Variants in ADGRL3 observed in about 807,000 individuals in gnomAD.
The protein encoded by ADGRL3 is adhesion G protein-coupled receptor L3.
A neutral mutation model predicts 153.5 loss-of-function variants in ADGRL3; 62 were observed. The observed-to-expected ratio is 0.40, with a 90% CI of 0.33 to 0.50. The LOEUF is 0.50. Ranked by LOEUF, ADGRL3 falls within the 20% of genes least tolerant of loss-of-function variation. ADGRL3 has a pLI of 0.47. For synonymous variants in ADGRL3, 710 were observed against 672.5 expected, an observed-to-expected ratio of 1.06 and a Z score of -0.86; for missense variants, 1,641 against 1,859.4, an observed-to-expected ratio of 0.88 and a Z score of 2.16.
intron 5 of ADGRL3, among the ~76,000 whole-genome samples, chr4:61,592,341 T>C (rs1373787369): frequency 6.6e-6 from 1 of 152,166 alleles, no homozygotes; most frequent in Non-Finnish European, 1.5e-5. Context: ...GTATTCTCCT[T>C]TACTTCTTTG....
At chr4:62,016,767 A>G (rs530910012) in intron 21 of ADGRL3, among the ~76,000 whole-genome samples, 14 of 152,248 alleles carry the variant, frequency 9.2e-5, no homozygotes, top group African/African-American at 3.4e-4. Context: ...AAATATATGG[A>G]TTATGTTGTA....
intron 2 of ADGRL3, among the ~76,000 whole-genome samples, chr4:61,437,481 G>A (rs2097463255): frequency 6.6e-6 from 1 of 152,052 alleles, no homozygotes; most frequent in East Asian, 1.9e-4. Flanking sequence ...CATTCACAGT[G>A]TCTTGTCTAT....
intron 8 of ADGRL3, among the ~76,000 whole-genome samples, chr4:61,782,093 A>G (rs1468081154): frequency 1.3e-5 from 2 of 152,174 alleles, no homozygotes; most frequent in Non-Finnish European, 2.9e-5. Context: ...GTATTACTTG[A>G]AATGGGATGA....
At chr4:61,212,844 T>C (rs1225506194) in intron 1 of ADGRL3, among the ~76,000 whole-genome samples, 1 of 151,270 alleles carries the variant, frequency 6.6e-6, no homozygotes, top group Non-Finnish European at 1.5e-5. Flanking sequence ...GCTGTCAACA[T>C]TTTTTTTTAT....
intron 13 of ADGRL3, among the ~76,000 whole-genome samples, chr4:61,931,347 C>T (rs2150103781): frequency 1.3e-5 from 2 of 152,238 alleles, no homozygotes; most frequent in Middle Eastern, 3.4e-3. Context: ...AATGTGCTTT[C>T]TAAGTGAAGA....
At chr4:61,635,615 C>T (rs1025529889) in intron 5 of ADGRL3, among the ~76,000 whole-genome samples, 3 of 152,068 alleles carry the variant, frequency 2.0e-5, no homozygotes, top group African/African-American at 7.2e-5. Context: ...AATTTAAGCC[C>T]ATGGTGAACT....
At chr4:61,450,653 G>T (rs920017095) in intron 2 of ADGRL3, among the ~76,000 whole-genome samples, 1 of 152,030 alleles carries the variant, frequency 6.6e-6, no homozygotes, top group Non-Finnish European at 1.5e-5. Context: ...AAATATATGT[G>T]TAATAACATG....
At chr4:61,884,315 T>C (rs1276600171) in intron 9 of ADGRL3, among the ~76,000 whole-genome samples, 1 of 152,182 alleles carries the variant, frequency 6.6e-6, no homozygotes. Flanking sequence ...TGCTATGAGA[T>C]TGGGAAATTT....
chr4:61,448,609 C>G (rs1400726935), intron 2 of ADGRL3, among the ~76,000 whole-genome samples: 1 of 152,046 alleles, frequency 6.6e-6, no homozygotes, highest in African/African-American at 2.4e-5. Context: ...TCCTTACATT[C>G]TGTCGGCTTC....
At chr4:61,665,649 G>A (rs1465573817) in intron 5 of ADGRL3, among the ~76,000 whole-genome samples, 5 of 152,092 alleles carry the variant, frequency 3.3e-5, no homozygotes, top group Admixed American at 6.5e-5. Context: ...TACGCAAAAT[G>A]ATATTATTCT....
chr4:61,644,365 CT>C (rs1275707187), intron 5 of ADGRL3, among the ~76,000 whole-genome samples: 5 of 151,362 alleles, frequency 3.3e-5, no homozygotes, highest in African/African-American at 4.9e-5. Context: ...TTTTCTAGTT[CT>C]TTTAATTGTG....
intron 9 of ADGRL3, among the ~76,000 whole-genome samples, chr4:61,854,065 G>A (rs190040180): frequency 6.6e-6 from 1 of 152,158 alleles, no homozygotes; most frequent in East Asian, 1.9e-4. Context: ...ATGTTTATAA[G>A]CCAGAGCATC....
chr4:61,863,284 C>T (rs1267011334), intron 9 of ADGRL3, among the ~76,000 whole-genome samples: 2 of 121,066 alleles, frequency 1.7e-5, no homozygotes, highest in African/African-American at 6.5e-5. Context: ...GTCGCCCAGG[C>T]TGGAGTGCAG....
chr4:61,878,858 C>G lies in ADGRL3; in HGVS notation c.1481-13798C>G, dbSNP rs114640023. Among the ~76,000 whole-genome samples, 857 of 152,220 alleles carry G rather than the reference C, an allele frequency of 5.6e-3. 7 individuals are homozygous for G. Among genetic ancestry groups the G allele is most frequent in the African/African-American group, 0.02 (811 of 41,542 alleles). Reference sequence around the variant, plus strand: ...GAAGATCAGTCTATGCTTCCAAGGGCTAAGGTATGAGTAGAATTCCATTAT... The same window carrying G: ...GAAGATCAGTCTATGCTTCCAAGGGGTAAGGTATGAGTAGAATTCCATTAT... On this transcript the variant is annotated intron_variant, in intron 9 of 26. Transcript: ENST00000683033.
In ADGRL3 at chr4:61,998,247, G is replaced by T. The variant is rs2099128514; in HGVS notation, c.3377G>T (p.Gly1126Val). ...HHTAILKPESGCLDNINYEDN... is the reference protein window; with the variant it reads ...HHTAILKPESVCLDNINYEDN... ...ACTGCTATACTGAAACCTGAATCAG[G>T]CTGTCTTGATAACATCAAGTAAGTG... The change falls in exon 21 of 27, where the codon GGC (glycine) becomes GTC (valine). Residue 1126 changes from glycine (G) to valine (V), a missense_variant. Transcript: ENST00000683033. The T allele has an allele frequency of 1.3e-6, 2 of 1,571,658 alleles. No homozygotes were observed. Among genetic ancestry groups the T allele is most frequent in the Non-Finnish European group, 1.7e-6 (2 of 1,158,136 alleles).
Position 61,930,001 on chromosome 4 carries a change from C to A in ADGRL3, c.2113-4839C>A, listed in dbSNP as rs557315797. Among the ~76,000 whole-genome samples, 7 of 152,100 alleles carry A rather than the reference C, an allele frequency of 4.6e-5. No homozygotes were observed. The South Asian group carries it at 1.5e-3, about 32-fold the overall frequency. On this transcript the variant is annotated intron_variant, in intron 13 of 26. Transcript: ENST00000683033. ...CCATCCTGGCTAACACGGTGAAACC[C>A]TGTCTGTACTAAAAAATACAAAAAA...
chr4:61,713,327 A>T (rs2096039342), intron 6 of ADGRL3, among the ~76,000 whole-genome samples: 1 of 151,958 alleles, frequency 6.6e-6, no homozygotes. Context: ...ATTAGTTCTT[A>T]TTAACTCATC....
intron 6 of ADGRL3, among the ~76,000 whole-genome samples, chr4:61,687,196 G>C (rs1425689124): frequency 2.0e-5 from 3 of 151,666 alleles, no homozygotes; most frequent in African/African-American, 7.3e-5. Context: ...TATATGATAG[G>C]CTCAATAAAG....
At chr4:61,885,048 G>C (rs183644136) in intron 9 of ADGRL3, among the ~76,000 whole-genome samples, 2 of 151,842 alleles carry the variant, frequency 1.3e-5, no homozygotes, top group South Asian at 4.2e-4. Flanking sequence ...AGGCCCAGGC[G>C]GGTGGATCAC....
Sources: gnomAD v4.1 joint callset for allele counts (sites outside exome capture counted in the v4.1 genomes callset) on GRCh38, gnomAD v4.1.1 for gene constraint, MANE v1.5 for transcripts, NCBI Gene and HGNC (gene_info 2026-07-23, HGNC 2026-07-21) for gene names.